Variants in KIRREL3 observed in about 807,000 individuals in gnomAD.
The protein encoded by KIRREL3 is kirre like nephrin family adhesion molecule 3.
A neutral mutation model predicts 89.7 loss-of-function variants in KIRREL3; 36 were observed. That is an observed-to-expected ratio of 0.40 (90% CI 0.31 to 0.53). The LOEUF is 0.53. KIRREL3 is among the 20% of genes least tolerant of loss of function. The probability of loss-of-function intolerance (pLI) is 0.49; values close to 1 mark genes in which losing one functional copy is unlikely to be tolerated. For synonymous variants in KIRREL3, 445 were observed against 441.4 expected (o/e 1.01, Z -0.10); for missense variants, 864 against 1,056.6 (o/e 0.82, Z 2.53).
rs1167274533 is a variant in KIRREL3 at position 126,990,627 on chromosome 11, C to T, written c.55+9828G>A. ...CAAAATAGTGCCCCAGCTCTTGGTGCGGCTTCAGAAGAACAGCTCCTCTCT... is the reference window on the plus strand; with the variant it reads ...CAAAATAGTGCCCCAGCTCTTGGTGTGGCTTCAGAAGAACAGCTCCTCTCT... On this transcript the variant is annotated intron_variant, in intron 1 of 16. Transcript: ENST00000525144. The surrounding 1 kb of genome is among the most constrained non-coding windows in gnomAD (Gnocchi z 6.3). Among the ~76,000 whole-genome samples the T allele has an allele frequency of 1.3e-5, 2 of 152,234 alleles. No homozygotes were observed. The highest frequency in any genetic ancestry group is 1.5e-5 in the Non-Finnish European group (1 of 68,046).
At chr11:126,440,619 T>C in intron 10 of KIRREL3, 70 bp from the exon 11 acceptor site, 1 of 1,321,096 alleles carries the variant, frequency 7.6e-7, no homozygotes, top group South Asian at 1.3e-5. Context: ...CTTGGGTGGG[T>C]TCAGAAGTGT....
chr11:126,872,648 T>C lies in KIRREL3; in HGVS notation c.55+127807A>G, dbSNP rs1027473257. Among the ~76,000 whole-genome samples, 1 of 152,238 alleles carries C rather than the reference T, an allele frequency of 6.6e-6. No homozygotes were observed. The highest frequency in any genetic ancestry group is 2.4e-5 in the African/African-American group (1 of 41,464). The stretch of plus-strand genomic sequence containing the variant: ...TTGAAAAAATGCTCCAGAGTGTCTA[T>C]CTTTTCTTTCTCTGTCTCCCTCCTA... On this transcript the variant is annotated intron_variant, in intron 1 of 16. Transcript: ENST00000525144. The surrounding 1 kb of genome is among the most constrained non-coding windows in gnomAD (Gnocchi z 4.2).
intron 1 of KIRREL3, among the ~76,000 whole-genome samples, chr11:126,853,944 G>A (rs1467238847): frequency 6.6e-6 from 1 of 152,108 alleles, no homozygotes; most frequent in African/African-American, 2.4e-5. Flanking sequence ...TGATCTTCAA[G>A]GTTAATTATT....
chr11:126,447,133 T>C (rs1004875135), intron 8 of KIRREL3, among the ~76,000 whole-genome samples: 2 of 152,044 alleles, frequency 1.3e-5, no homozygotes, highest in African/African-American at 4.8e-5. Context: ...CCCATGGAGG[T>C]GGTCGGCAGC....
At chr11:126,832,087 C>T (rs1385734840) in intron 1 of KIRREL3, among the ~76,000 whole-genome samples, 1 of 152,152 alleles carries the variant, frequency 6.6e-6, no homozygotes, top group East Asian at 1.9e-4. Context: ...TCTGCCTTTA[C>T]ACTTTTAAGA....
Position 126,463,081 on chromosome 11 carries a change from A to G in KIRREL3, c.742+76T>C, listed in dbSNP as rs532026524. ...CCCATTTCCTGCTATCAGATGGGCC[A>G]GGCTATGGTCAGGGTTGCTGGGTGT... On this transcript the variant is annotated intron_variant, in intron 6 of 16. Coordinates refer to ENST00000525144, the MANE Select transcript of KIRREL3 (RefSeq NM_032531.4). The surrounding 1 kb of genome is among the most constrained non-coding windows in gnomAD (Gnocchi z 5.9). 2 of 1,437,872 alleles carry G rather than the reference A, an allele frequency of 1.4e-6. No homozygotes were observed. The highest frequency in any genetic ancestry group is 2.5e-5 in the South Asian group (2 of 78,830). The allele number at this position is 1,437,872 out of a possible 1,614,324, so 89.1% of individuals were successfully genotyped here.
rs142805961 is a variant in KIRREL3, at chr11:126,431,030, C to G, written c.1696+389G>C. The G allele has an allele frequency of 2.2e-5, 27 of 1,200,070 alleles. No homozygotes were observed. In the East Asian group the frequency reaches 1.1e-3, roughly 48 times the overall value. 74.3% of individuals were successfully genotyped at this position (1,200,070 alleles called of 1,614,324 possible). The stretch of plus-strand genomic sequence containing the variant: ...CCTGCTTTTCTGGTGAGACTAGCAG[C>G]TCTTTATTTTTATTTTGTTGTAGAG... On this transcript the variant is annotated intron_variant, in intron 14 of 16. Transcript: ENST00000525144. The surrounding 1 kb of genome is among the most constrained non-coding windows in gnomAD (Gnocchi z 7.1).
At position 126,614,948 on chromosome 11, in the gene KIRREL3, AT is replaced by A. The variant is rs1253188091; in HGVS notation, c.56-52037del. 2.0e-5 allele frequency among the ~76,000 whole-genome samples: 3 copies of A among 151,920 alleles called. No homozygotes were observed. Among genetic ancestry groups the A allele is most frequent in the Non-Finnish European group, 4.4e-5 (3 of 67,976 alleles). ...TGTAGAGAGATAAGGTAGGCTTATT[AT>A]TTTTCGAGTGGAACTGGGACTGTTT... is the stretch of plus-strand genomic sequence containing the variant. On this transcript the variant is annotated intron_variant, in intron 1 of 16. Transcript: ENST00000525144. The surrounding 1 kb of genome is among the most constrained non-coding windows in gnomAD (Gnocchi z 4.6).
At chr11:126,878,697 A>G (rs1945384423) in intron 1 of KIRREL3, among the ~76,000 whole-genome samples, 1 of 152,180 alleles carries the variant, frequency 6.6e-6, no homozygotes, top group Admixed American at 6.5e-5. Context: ...GGCACAGATG[A>G]AAAATGGTGT....
intron 1 of KIRREL3, among the ~76,000 whole-genome samples, chr11:126,888,601 C>T (rs4936005): frequency 0.73 from 110,951 of 151,738 alleles, 41,401 homozygotes; most frequent in African/African-American, 0.89. Flanking sequence ...AAGACCCTCA[C>T]GAGGCCCTCC....
Position 126,924,274 on chromosome 11 carries a change from G to A in KIRREL3, c.55+76181C>T, listed in dbSNP as rs1034365899. On this transcript the variant is annotated intron_variant, in intron 1 of 16. Transcript: ENST00000525144. This position sits in a 1 kb window ranked among gnomAD's most constrained non-coding sequence, Gnocchi z 4.7. Reference sequence around the variant, plus strand: ...CACCTTCAGTTTTCCCTTCTAGCTCGCTCACTCTCCACACCACAGAGAGTA... The same window carrying A: ...CACCTTCAGTTTTCCCTTCTAGCTCACTCACTCTCCACACCACAGAGAGTA... Among the ~76,000 whole-genome samples, 15 of 152,110 alleles carry A rather than the reference G, an allele frequency of 9.9e-5. No homozygotes were observed. The highest frequency in any genetic ancestry group is 3.1e-4 in the African/African-American group (13 of 41,460).
At chr11:126,663,959 A>G (rs1945537841) in intron 1 of KIRREL3, among the ~76,000 whole-genome samples, 1 of 152,352 alleles carries the variant, frequency 6.6e-6, no homozygotes, top group South Asian at 2.1e-4. Flanking sequence ...AGCAGGGGAA[A>G]GCACAAGGTC....
At position 126,908,659 on chromosome 11, in the gene KIRREL3, T is replaced by C. The variant is rs1351759269; in HGVS notation, c.55+91796A>G. On this transcript the variant is annotated intron_variant, in intron 1 of 16. Transcript: ENST00000525144. This position sits in a 1 kb window ranked among gnomAD's most constrained non-coding sequence, Gnocchi z 4.2. ...GATTTGCTCAAAATCACAAATTCAT[T>C]CATTTAACAAGTATTAAAGGGCTTC... Among the ~76,000 whole-genome samples the C allele has an allele frequency of 6.6e-6, 1 of 152,198 alleles. No homozygotes were observed. The highest frequency in any genetic ancestry group is 1.5e-5 in the Non-Finnish European group (1 of 68,038).
chr11:126,656,286 A>G lies in KIRREL3; in HGVS notation c.56-93374T>C, dbSNP rs523249. The G allele has an allele frequency of 0.76, 271,055 of 356,140 alleles. 104,120 individuals are homozygous for G. The highest frequency in any genetic ancestry group is 0.99 in the East Asian group (12,000 of 12,120). 22.1% of individuals were successfully genotyped at this position (356,140 alleles called of 1,614,324 possible). A position where few individuals can be genotyped will look rare whatever the true frequency, so the allele number is the denominator to read the frequency against. Reference sequence around the variant, plus strand: ...GGCTGGTTTCTTAACCATAACCTCCATGATTCAGTTTCTTCATTTGCAAAA... The same window carrying G: ...GGCTGGTTTCTTAACCATAACCTCCGTGATTCAGTTTCTTCATTTGCAAAA... On this transcript the variant is annotated intron_variant, in intron 1 of 16. Transcript: ENST00000525144. This position sits in a 1 kb window ranked among gnomAD's most constrained non-coding sequence, Gnocchi z 4.0.
Position 126,441,671 on chromosome 11 carries a change from T to TTGCTGTTTGCAGCAATTATGCTGCAAAGG in KIRREL3, c.1253-1123_1253-1122insCCTTTGCAGCATAATTGCTGCAAACAGCA, listed in dbSNP as rs1187798740. ...AAAACAAAAATTGCTGCAAACATAA[T>TTGCTGTTTGCAGCAATTATGCTGCAAAGG]TGCTGTTTATTAGCCACCTTAATTA... is the stretch of plus-strand genomic sequence containing the variant. On this transcript the variant is annotated intron_variant, in intron 10 of 16. Coordinates refer to ENST00000525144, the MANE Select transcript of KIRREL3 (RefSeq NM_032531.4). The surrounding 1 kb of genome is among the most constrained non-coding windows in gnomAD (Gnocchi z 5.0). Among the ~76,000 whole-genome samples, 5 of 152,250 alleles carry TTGCTGTTTGCAGCAATTATGCTGCAAAGG rather than the reference T, an allele frequency of 3.3e-5. No homozygotes were observed. The highest frequency in any genetic ancestry group is 5.9e-5 in the Non-Finnish European group (4 of 68,044).
intron 4 of KIRREL3, among the ~76,000 whole-genome samples, chr11:126,479,552 G>T (rs1165839821): frequency 2.0e-5 from 3 of 152,176 alleles, no homozygotes; most frequent in Non-Finnish European, 4.4e-5. Context: ...CCTTTGAAAA[G>T]ACCCCAGACA....
intron 1 of KIRREL3, among the ~76,000 whole-genome samples, chr11:126,573,256 C>T (rs570733584): frequency 2.4e-4 from 36 of 152,324 alleles, no homozygotes; most frequent in African/African-American, 6.7e-4. Context: ...AGGAATGCTG[C>T]GCACCTTCAC....
Position 126,463,371 on chromosome 11 carries a change from T to A in KIRREL3, c.592-64A>T, listed in dbSNP as rs902878358. 20 of 1,537,762 alleles carry A rather than the reference T, an allele frequency of 1.3e-5. No homozygotes were observed. Among genetic ancestry groups the A allele is most frequent in the Non-Finnish European group, 1.6e-5 (18 of 1,128,504 alleles). On this transcript the variant is annotated intron_variant, in intron 5 of 16. Transcript: ENST00000525144. This position sits in a 1 kb window ranked among gnomAD's most constrained non-coding sequence, Gnocchi z 5.9. ...GCTTGGCTGGGGTGGCCAGCCTGGG[T>A]TGGGGGTAAACGAGCACCAGCTTAG...
intron 1 of KIRREL3, among the ~76,000 whole-genome samples, chr11:126,799,691 C>T (rs186396578): frequency 7.9e-5 from 12 of 152,106 alleles, no homozygotes; most frequent in Admixed American, 5.2e-4. Flanking sequence ...CAGGAGGAGC[C>T]GGGAGAACCA....
Sources: allele counts gnomAD v4.1 joint callset (sites outside exome capture counted in the v4.1 genomes callset), GRCh38; gene constraint gnomAD v4.1.1; non-coding constraint Gnocchi (gnomAD v3.1); transcripts MANE v1.5; gene names NCBI Gene and HGNC (gene_info 2026-07-23, HGNC 2026-07-21).